Variants in CHD6 observed in about 807,000 individuals in gnomAD.
CHD6 encodes the protein ATP-dependent chromatin remodeler CHD6.
A neutral mutation model predicts 276.9 loss-of-function variants in CHD6; 50 were observed. The ratio of observed to expected loss-of-function variants is 0.18; its 90% CI spans 0.14 to 0.23. The LOEUF is 0.23. Among genes scored for constraint, CHD6 ranks in the 10% least tolerant of loss-of-function variants. The probability of loss-of-function intolerance (pLI) is 1.00; values close to 1 mark genes in which losing one functional copy is unlikely to be tolerated. For synonymous variants in CHD6, 1,173 were observed against 1,229.3 expected, an observed-to-expected ratio of 0.95 and a Z score of 0.96; for missense variants, 2,564 against 3,365.8, an observed-to-expected ratio of 0.76 and a Z score of 5.89.
At chr20:41,528,886 GA>G (rs2044611000) in intron 3 of CHD6, among the ~76,000 whole-genome samples, 1 of 152,138 alleles carries the variant, frequency 6.6e-6, no homozygotes, top group South Asian at 2.1e-4. Context: ...ACAAACAAAG[GA>G]AAAAGTTGAA....
chr20:41,610,914 T>C (rs1047651098), intron 1 of CHD6, among the ~76,000 whole-genome samples: 1 of 152,146 alleles, frequency 6.6e-6, no homozygotes, highest in African/African-American at 2.4e-5. Context: ...AGAACTACAG[T>C]GTTATACTTA....
At chr20:41,445,847 G>T in intron 24 of CHD6, 79 bp from the exon 25 acceptor site, 1 of 819,800 alleles carries the variant, frequency 1.2e-6, no homozygotes, top group Non-Finnish European at 2.1e-6. Context: ...AGTCCTACTG[G>T]CATGCTGAGA....
chr20:41,529,009 C>T (rs962707405), intron 3 of CHD6, among the ~76,000 whole-genome samples: 7 of 152,186 alleles, frequency 4.6e-5, no homozygotes, highest in Admixed American at 6.5e-5. Context: ...AATCTCCCCA[C>T]GTCCATTTCT....
chr20:41,574,408 T>C (rs574575879), intron 1 of CHD6, among the ~76,000 whole-genome samples: 1 of 152,328 alleles, frequency 6.6e-6, no homozygotes, highest in East Asian at 1.9e-4. Flanking sequence ...CTAGCTCCTC[T>C]ACTTGGGTAT....
intron 2 of CHD6, chr20:41,548,072 C>G (rs2045076960): frequency 5.3e-6 from 1 of 189,686 alleles, no homozygotes; most frequent in Admixed American, 5.7e-5. Context: ...AGCCTCTTCT[C>G]TATTAGGCAC....
rs764700997 is a variant in CHD6, at chr20:41,533,371, G to A, written c.233C>T (p.Ser78Phe). The part of the protein sequence containing the change: ...AATLFPRKMT[S>F]HNGMEDSGGG... ...TCCACTGTCCTCCATCCCATTATGG[G>A]ATGTCATTTTCCTAGGAAAAAGGGT... Residue 78 changes from serine (S) to phenylalanine (F), a missense_variant, in exon 3 of 37, where the codon TCC (serine) becomes TTC (phenylalanine). Around this residue, in one of 7 missense-constraint regions of CHD6, gnomAD observed 286 missense variants for 297.8 expected, o/e 0.96. Transcript: ENST00000373233. 2 of 1,614,060 alleles carry A rather than the reference G, an allele frequency of 1.2e-6. No individual in the cohort carries two copies. Among genetic ancestry groups the A allele is most frequent in the South Asian group, 2.2e-5 (2 of 91,078 alleles).
chr20:41,530,122 C>T (rs2044645351), intron 3 of CHD6, among the ~76,000 whole-genome samples: 1 of 152,212 alleles, frequency 6.6e-6, no homozygotes, highest in South Asian at 2.1e-4. Context: ...GAGAGAGTAA[C>T]AGCAAGTCTG....
At position 41,402,368 on chromosome 20, in the gene CHD6, C is replaced by A; in HGVS notation, c.*2225G>T. On this transcript the variant is annotated 3_prime_UTR_variant, in exon 37 of 37. Coordinates refer to ENST00000373233, the MANE Select transcript of CHD6 (RefSeq NM_032221.5). ...CAGCAGTCAAATAGAAGCCTGAACA[C>A]CCAGAGAGTTAACATACAGATTCCA... 1 of 229,058 alleles carries A rather than the reference C, an allele frequency of 4.4e-6. No individual in the cohort carries two copies. Among genetic ancestry groups the A allele is most frequent in the East Asian group, 6.2e-5 (1 of 16,020 alleles). 14.2% of individuals were successfully genotyped at this position (229,058 alleles called of 1,614,324 possible).
At chr20:41,498,077 T>C in intron 7 of CHD6, 91 bp downstream of exon 7, 1 of 905,956 alleles carries the variant, frequency 1.1e-6, no homozygotes. Flanking sequence ...GAGGCAAGAC[T>C]CTGAAGATGT....
intron 17 of CHD6, among the ~76,000 whole-genome samples, chr20:41,458,010 T>C (rs750104263): frequency 9.9e-5 from 15 of 152,196 alleles, no homozygotes; most frequent in African/African-American, 3.4e-4. Context: ...TATATATTAT[T>C]ATCATTGTCA....
intron 5 of CHD6, among the ~76,000 whole-genome samples, chr20:41,501,886 T>C (rs2043837765): frequency 7.0e-6 from 1 of 142,782 alleles, no homozygotes; most frequent in African/African-American, 2.5e-5. Flanking sequence ...CACATTTTCC[T>C]GATAACAGAG....
chr20:41,422,368 T>C (rs1336287390), intron 30 of CHD6, among the ~76,000 whole-genome samples: 1 of 152,170 alleles, frequency 6.6e-6, no homozygotes, highest in East Asian at 1.9e-4. Flanking sequence ...AGTATAGTAG[T>C]AGTTCACACC....
Position 41,403,441 on chromosome 20 carries a change from G to A in CHD6, c.*1152C>T, listed in dbSNP as rs2046584729. 1 of 1,061,768 alleles carries A rather than the reference G, an allele frequency of 9.4e-7. No individual in the cohort carries two copies. The highest frequency in any genetic ancestry group is 4.6e-5 in the South Asian group (1 of 21,944). The allele number at this position is 1,061,768 out of a possible 1,614,324, so 65.8% of individuals were successfully genotyped here. A position where few individuals can be genotyped will look rare whatever the true frequency, so the allele number is the denominator to read the frequency against. ...AAGCTGAGGAAGAAGAGAAAATAAT[G>A]TTGACTTGCAATGTAGTTTCGATTA... On this transcript the variant is annotated 3_prime_UTR_variant, in exon 37 of 37. Coordinates refer to ENST00000373233, the MANE Select transcript of CHD6 (RefSeq NM_032221.5).
At chr20:41,461,298 C>T (rs1200876004) in intron 17 of CHD6, among the ~76,000 whole-genome samples, 2 of 152,102 alleles carry the variant, frequency 1.3e-5, no homozygotes, top group Non-Finnish European at 2.9e-5. Flanking sequence ...GTTGGGAAGG[C>T]ATGAAATGTG....
chr20:41,586,791 A>G (rs73613216), intron 1 of CHD6, among the ~76,000 whole-genome samples: 3,377 of 152,356 alleles, frequency 0.022, 46 homozygotes, highest in South Asian at 0.041. Context: ...CATTTATGAT[A>G]AAAACTCTCA....
chr20:41,613,152 G>T lies in CHD6; in HGVS notation c.-24+5188C>A, dbSNP rs187986174. On this transcript the variant is annotated intron_variant, in intron 1 of 36. Transcript: ENST00000373233. ...TATGTTCAACTACACATTATTTTAA[G>T]GAAGAACTCCACTAAAAATTAGCAC... is the stretch of plus-strand genomic sequence containing the variant. Among the ~76,000 whole-genome samples the T allele has an allele frequency of 3.9e-3, 590 of 152,168 alleles. 3 individuals are homozygous for T. Among genetic ancestry groups the T allele is most frequent in the Non-Finnish European group, 5.9e-3 (404 of 68,006 alleles).
At chr20:41,599,811 C>T (rs536651975) in intron 1 of CHD6, among the ~76,000 whole-genome samples, 4 of 152,204 alleles carry the variant, frequency 2.6e-5, no homozygotes, top group Non-Finnish European at 5.9e-5. Flanking sequence ...CTGTAAACAA[C>T]CCCTCCCAAC....
intron 1 of CHD6, among the ~76,000 whole-genome samples, chr20:41,555,226 G>T (rs2045209884): frequency 7.3e-6 from 1 of 136,456 alleles, no homozygotes; most frequent in Admixed American, 7.2e-5. Context: ...CGGCTGGCCG[G>T]GTGGGGGGCT....
Position 41,413,371 on chromosome 20 carries a change from G to C in CHD6, c.7084C>G (p.Leu2362Val). The change falls in exon 35 of 37, where the codon CTA (leucine) becomes GTA (valine). Residue 2362 changes from leucine (L) to valine (V), a missense_variant. Transcript: ENST00000373233. The stretch of plus-strand genomic sequence containing the variant: ...AAGGAGTAGTCAGCCTGCTGCCTTA[G>C]CCAGTCAAGCAGACTCTTGCTGGGA... Reference protein sequence around the residue: ...SIPSKSLLDWLRQQADYSLEV... With the variant: ...SIPSKSLLDWVRQQADYSLEV... The C allele has an allele frequency of 2.5e-6, 4 of 1,611,874 alleles. No individual in the cohort carries two copies. Among genetic ancestry groups the C allele is most frequent in the Non-Finnish European group, 3.4e-6 (4 of 1,179,866 alleles).
Sources: gnomAD v4.1 joint callset for allele counts (sites outside exome capture counted in the v4.1 genomes callset) on GRCh38, gnomAD v4.1.1 for gene constraint, gnomAD v4.1.1 regional missense constraint, MANE v1.5 for transcripts, NCBI Gene and HGNC (gene_info 2026-07-23, HGNC 2026-07-21) for gene names.